JPT1: variants seen among roughly 807,000 people sequenced by gnomAD.
JPT1 encodes androgen-regulated protein 2.
A neutral mutation model predicts 17.0 loss-of-function variants in JPT1; 5 were observed. The ratio of observed to expected loss-of-function variants is 0.29; its 90% confidence interval spans 0.15 to 0.62. The LOEUF is 0.62. Among genes scored for constraint, JPT1 ranks in the 20% least tolerant of loss-of-function variants. JPT1 has a pLI of 0.85. For missense variants in JPT1, 158 were observed against 188.1 expected (o/e 0.84, Z 0.94); for synonymous variants, 71 against 73.6 (o/e 0.96, Z 0.18).
chr17:75,139,663 T>C (rs2074271336), intron 4 of JPT1, among the ~76,000 whole-genome samples: 2 of 151,818 alleles, frequency 1.3e-5, no homozygotes. Flanking sequence ...TCTACAAAAG[T>C]ACAAAAATTA....
At chr17:75,145,832 T>G (rs1318023173) in intron 4 of JPT1, 1 of 152,232 alleles carries the variant, frequency 6.6e-6, no homozygotes, top group Non-Finnish European at 1.5e-5. Context: ...TAGCAGCACT[T>G]GGGGAGGCTG....
rs2074360220 is a variant in JPT1, at chr17:75,143,158, G to C, written c.316+3508C>G. On this transcript the variant is annotated intron_variant, in intron 4 of 4. Coordinates refer to ENST00000409753, the MANE Select transcript of JPT1 (RefSeq NM_016185.4). Reference sequence around the variant, plus strand: ...AGGCCAAGAAGAATCTAACAGACGGGCCTTCTGAGTTCCCTTGTTCAGTCC... The same window carrying C: ...AGGCCAAGAAGAATCTAACAGACGGCCCTTCTGAGTTCCCTTGTTCAGTCC... Among the ~76,000 whole-genome samples, 3 of 152,190 alleles carry C rather than the reference G, an allele frequency of 2.0e-5. No individual in the cohort carries two copies. In the South Asian group the frequency reaches 6.2e-4, roughly 31 times the overall value.
chr17:75,150,250 T>C (rs1009457862), intron 1 of JPT1, among the ~76,000 whole-genome samples: 12 of 151,904 alleles, frequency 7.9e-5, no homozygotes, highest in African/African-American at 2.9e-4. Flanking sequence ...AATACTTTTT[T>C]TTCTTTTCTT....
chr17:75,146,757 A>G lies in JPT1; in HGVS notation c.298-73T>C, dbSNP rs187258299. ...AACACGCAAAACAGTCATAGTTCAT[A>G]GCAGCTAACATCTACTTGAAACCGA... On this transcript the variant is annotated intron_variant, in intron 3 of 4. Transcript: ENST00000409753. The G allele has an allele frequency of 8.6e-5, 77 of 898,918 alleles. No individual in the cohort carries two copies. In the East Asian group the frequency reaches 1.9e-3, roughly 22 times the overall value. The allele number at this position is 898,918 out of a possible 1,614,324, so 55.7% of individuals were successfully genotyped here. A position where few individuals can be genotyped will look rare whatever the true frequency, so the allele number is the denominator to read the frequency against.
At chr17:75,141,799 C>T (rs1052072552) in intron 4 of JPT1, among the ~76,000 whole-genome samples, 1 of 151,744 alleles carries the variant, frequency 6.6e-6, no homozygotes, top group African/African-American at 2.4e-5. Flanking sequence ...CGAGGCTGGG[C>T]GCAGTGGCTC....
chr17:75,154,379 A>AGGTGGT lies in JPT1; in HGVS notation c.13_18dup (p.Thr5_Thr6dup), dbSNP rs2074602144. 1 of 1,549,200 alleles carries AGGTGGT rather than the reference A, an allele frequency of 6.5e-7. No homozygotes were observed. Among genetic ancestry groups the AGGTGGT allele is most frequent in the Non-Finnish European group, 8.7e-7 (1 of 1,146,140 alleles). ...CTGCTGTTGGGGTCGACTCCCTTGA[A>AGGTGGT]GGTGGTGGTTGTGGTCATGGCGCCG... On this transcript the variant is annotated inframe_insertion, in exon 1 of 5. Transcript: ENST00000409753.
At chr17:75,141,634 A>G (rs2074310492) in intron 4 of JPT1, among the ~76,000 whole-genome samples, 1 of 151,178 alleles carries the variant, frequency 6.6e-6, no homozygotes, top group Non-Finnish European at 1.5e-5. Flanking sequence ...GCCTGGCGAC[A>G]GAGTGAGACT....
rs1291103309 is a variant in JPT1 at position 75,154,445 on chromosome 17, G to A, written c.-48C>T. The A allele has an allele frequency of 2.0e-6, 3 of 1,524,036 alleles. No individual in the cohort carries two copies. Among genetic ancestry groups the A allele is most frequent in the Admixed American group, 4.0e-5 (2 of 50,068 alleles). The allele number at this position is 1,524,036 out of a possible 1,614,324, so 94.4% of individuals were successfully genotyped here. A position where few individuals can be genotyped will look rare whatever the true frequency, so the allele number is the denominator to read the frequency against. ...TGGCGCCGGAGCAGAACGCTCAAAG[G>A]GTCGGACCCGAGGGGCGCTGGGAAA... On this transcript the variant is annotated 5_prime_UTR_variant, in exon 1 of 5. Transcript: ENST00000409753.
intron 4 of JPT1, among the ~76,000 whole-genome samples, chr17:75,136,713 A>T (rs1311194042): frequency 6.6e-5 from 10 of 152,162 alleles, no homozygotes; most frequent in Admixed American, 6.6e-4. Context: ...GCTGGTCTTG[A>T]ATTCATGACC....
chr17:75,152,944 G>A (rs542350112), intron 1 of JPT1: 105 of 152,212 alleles, frequency 6.9e-4, no homozygotes, highest in African/African-American at 2.4e-3. Flanking sequence ...GTATTGAGTT[G>A]TAAAGGAATG....
At chr17:75,145,639 C>T (rs1313502473) in intron 4 of JPT1, 1 of 152,162 alleles carries the variant, frequency 6.6e-6, no homozygotes, top group African/African-American at 2.4e-5. Flanking sequence ...GTGAGCTGAG[C>T]TTGAAATGGT....
At chr17:75,138,749 T>C (rs2074255053) in intron 4 of JPT1, among the ~76,000 whole-genome samples, 1 of 152,164 alleles carries the variant, frequency 6.6e-6, no homozygotes, top group Non-Finnish European at 1.5e-5. Flanking sequence ...CATGTACTTA[T>C]CTCATGATAG....
chr17:75,137,057 T>A (rs980015306), intron 4 of JPT1, among the ~76,000 whole-genome samples: 2 of 152,200 alleles, frequency 1.3e-5, no homozygotes, highest in African/African-American at 4.8e-5. Context: ...TCGCCTTGCT[T>A]ATTAACTGTA....
intron 4 of JPT1, among the ~76,000 whole-genome samples, chr17:75,137,802 C>T (rs961554703): frequency 1.3e-5 from 2 of 149,012 alleles, no homozygotes; most frequent in East Asian, 3.9e-4. Context: ...CATGCACCAC[C>T]ATGCCTGATT....
At chr17:75,151,337 AAATAATAATGAT>A (rs2074549260) in intron 1 of JPT1, among the ~76,000 whole-genome samples, 1 of 151,322 alleles carries the variant, frequency 6.6e-6, no homozygotes, top group African/African-American at 2.4e-5. Context: ...CTCCGTCTCA[AAATAATAATGAT>A]AATAATAATA....
chr17:75,142,418 G>A (rs780044748), intron 4 of JPT1, among the ~76,000 whole-genome samples: 2 of 150,862 alleles, frequency 1.3e-5, no homozygotes, highest in Non-Finnish European at 3.0e-5. Flanking sequence ...AAATTAGCCG[G>A]GCGTGGTGGC....
intron 1 of JPT1, among the ~76,000 whole-genome samples, chr17:75,150,263 T>C (rs929670257): frequency 3.3e-5 from 5 of 152,076 alleles, no homozygotes; most frequent in African/African-American, 9.7e-5. Flanking sequence ...CTTTTCTTTT[T>C]TTTTTTTGAG....
chr17:75,154,398 G>A lies in JPT1; in HGVS notation c.-1C>T. 2.6e-6 allele frequency: 4 copies of A among 1,548,752 alleles called. No homozygotes were observed. The highest frequency in any genetic ancestry group is 3.5e-6 in the Non-Finnish European group (4 of 1,145,928). ...CCTTGAAGGTGGTGGTTGTGGTCAT[G>A]GCGCCGAGGAGCGAGGTAGGCTGGC... On this transcript the variant is annotated 5_prime_UTR_variant, in exon 1 of 5. Transcript: ENST00000409753.
chr17:75,146,496 T>G, intron 4 of JPT1, 170 bp downstream of exon 4: 1 of 539,810 alleles, frequency 1.9e-6, no homozygotes. Context: ...TCCCTTCTAT[T>G]ATGTTTCTAG....
Sources: allele counts gnomAD v4.1 joint callset (sites outside exome capture counted in the v4.1 genomes callset), GRCh38; gene constraint gnomAD v4.1.1; transcripts MANE v1.5; gene names NCBI Gene and HGNC (gene_info 2026-07-23, HGNC 2026-07-21).